METTL15: variants seen among roughly 807,000 people sequenced by gnomAD.
METTL15 encodes methyltransferase 15, mitochondrial 12S rRNA N4-cytidine.
A neutral mutation model predicts 38.3 loss-of-function variants in METTL15; 34 were observed. That is an observed-to-expected ratio of 0.89 (90% CI 0.68 to 1.18). The LOEUF (loss-of-function observed/expected upper bound fraction) is 1.18. Ranked by LOEUF, METTL15 falls within the 50% of genes most tolerant of loss-of-function variation. METTL15 has a pLI of 0.00. For synonymous variants in METTL15, 162 were observed against 170.9 expected, an observed-to-expected ratio of 0.95 and a Z score of 0.41; for missense variants, 438 against 498.4, an observed-to-expected ratio of 0.88 and a Z score of 1.15.
At chr11:28,270,626 T>C (rs1388360091) in intron 4 of METTL15, among the ~76,000 whole-genome samples, 1 of 152,228 alleles carries the variant, frequency 6.6e-6, no homozygotes, top group Non-Finnish European at 1.5e-5. Flanking sequence ...TTATCTGATG[T>C]ATAAAATAGG....
At chr11:28,151,315 A>G (rs1403447325) in intron 3 of METTL15, among the ~76,000 whole-genome samples, 1 of 151,848 alleles carries the variant, frequency 6.6e-6, no homozygotes, top group Non-Finnish European at 1.5e-5. Flanking sequence ...TACCGTGCTG[A>G]CTGCAAGAAC....
chr11:28,144,918 A>G (rs964179340), intron 3 of METTL15: 4 of 175,614 alleles, frequency 2.3e-5, no homozygotes, highest in Non-Finnish European at 3.8e-5. Context: ...CAATGGTGCA[A>G]TGCTTACTTA....
chr11:28,149,979 C>G (rs1850023726), intron 3 of METTL15, among the ~76,000 whole-genome samples: 1 of 151,882 alleles, frequency 6.6e-6, no homozygotes, highest in Non-Finnish European at 1.5e-5. Context: ...TAAATTTACA[C>G]TCTCAGCAAA....
intron 3 of METTL15, among the ~76,000 whole-genome samples, chr11:28,187,741 C>T (rs1026776430): frequency 1.3e-5 from 2 of 150,500 alleles, no homozygotes; most frequent in African/African-American, 2.4e-5. Flanking sequence ...ATTGGGCAGG[C>T]TGGATGGAGG....
chr11:28,447,167 C>T (rs572969917), intron 6 of METTL15, among the ~76,000 whole-genome samples: 13 of 152,208 alleles, frequency 8.5e-5, no homozygotes, highest in African/African-American at 2.7e-4. Flanking sequence ...ATGTTGTTCT[C>T]TTCCTTGATT....
At chr11:28,326,388 G>A (rs577034417) in intron 6 of METTL15, among the ~76,000 whole-genome samples, 1 of 152,096 alleles carries the variant, frequency 6.6e-6, no homozygotes, top group South Asian at 2.1e-4. Context: ...TCTCTGATCA[G>A]TGACTTTCAG....
At chr11:28,476,488 T>G (rs2133468642) in intron 6 of METTL15, among the ~76,000 whole-genome samples, 1 of 152,314 alleles carries the variant, frequency 6.6e-6, no homozygotes, top group South Asian at 2.1e-4. Context: ...GTATTCATCT[T>G]CCTTGCAAGC....
At position 28,414,643 on chromosome 11, in the gene METTL15, G is replaced by T. The variant is rs139553285; in HGVS notation, c.*359-9656G>T. On this transcript the variant is annotated intron_variant and NMD_transcript_variant, in intron 5 of 7. Transcript: ENST00000532947. Reference sequence around the variant, plus strand: ...TTCTACAATGTCAATTTTTTGTTTAGTCGTTTATTTTTTGTTTTTGAGAAC... The same window carrying T: ...TTCTACAATGTCAATTTTTTGTTTATTCGTTTATTTTTTGTTTTTGAGAAC... 2.9e-3 allele frequency among the ~76,000 whole-genome samples: 448 copies of T among 152,250 alleles called. 5 individuals are homozygous for T. Among genetic ancestry groups the T allele is most frequent in the African/African-American group, 0.01 (433 of 41,562 alleles).
chr11:28,192,085 T>C (rs1160931717), intron 3 of METTL15, among the ~76,000 whole-genome samples: 1 of 151,834 alleles, frequency 6.6e-6, no homozygotes, highest in East Asian at 1.9e-4. Context: ...TGTGTCTATC[T>C]GTGTGTCTTC....
At chr11:28,113,270 C>A in intron 2 of METTL15, 48 bp from the exon 3 acceptor site, 1 of 1,286,920 alleles carries the variant, frequency 7.8e-7, no homozygotes, top group South Asian at 1.5e-5. Context: ...AGTATTAGAA[C>A]ATTCTTTTAA....
At chr11:28,143,983 G>A (rs900721548) in intron 3 of METTL15, among the ~76,000 whole-genome samples, 17 of 152,098 alleles carry the variant, frequency 1.1e-4, no homozygotes, top group Admixed American at 1.0e-3. Context: ...GTTAGGTTCT[G>A]CTCCAGCAGG....
intron 5 of METTL15, among the ~76,000 whole-genome samples, chr11:28,406,659 G>A (rs908474989): frequency 3.3e-5 from 5 of 152,094 alleles, no homozygotes; most frequent in African/African-American, 1.2e-4. Context: ...ATCTCTTCCT[G>A]TTCGAATATG....
chr11:28,165,968 G>C (rs1211455205), intron 3 of METTL15, among the ~76,000 whole-genome samples: 13 of 151,892 alleles, frequency 8.6e-5, no homozygotes, highest in African/African-American at 4.8e-5. Context: ...GTTTATTTCT[G>C]GGCTTTCTAT....
intron 5 of METTL15, among the ~76,000 whole-genome samples, chr11:28,294,356 G>T (rs1856647984): frequency 6.6e-6 from 1 of 152,162 alleles, no homozygotes; most frequent in African/African-American, 2.4e-5. Context: ...GCCAAAAAAT[G>T]TGGCCTGTCA....
intron 5 of METTL15, among the ~76,000 whole-genome samples, chr11:28,407,109 C>A (rs1850680776): frequency 6.6e-6 from 1 of 152,018 alleles, no homozygotes; most frequent in African/African-American, 2.4e-5. Flanking sequence ...AGGATTTTTG[C>A]ATTGATGTTC....
chr11:28,260,427 T>C (rs1445666102), intron 4 of METTL15, among the ~76,000 whole-genome samples: 1 of 152,200 alleles, frequency 6.6e-6, no homozygotes, highest in African/African-American at 2.4e-5. Context: ...CCTGGAACTA[T>C]CCTATTTATT....
At chr11:28,397,530 C>T (rs1850584597) in intron 5 of METTL15, among the ~76,000 whole-genome samples, 1 of 151,978 alleles carries the variant, frequency 6.6e-6, no homozygotes, top group African/African-American at 2.4e-5. Flanking sequence ...AAATCAAAAC[C>T]ACAATGAGAT....
chr11:28,167,101 C>T (rs1238741450), intron 3 of METTL15, among the ~76,000 whole-genome samples: 16 of 152,256 alleles, frequency 1.1e-4, no homozygotes, highest in East Asian at 9.6e-4. Flanking sequence ...TTGATAGACA[C>T]AGTCATTAAA....
At chr11:28,392,334 C>T (rs1407430331) in intron 5 of METTL15, among the ~76,000 whole-genome samples, 3 of 152,024 alleles carry the variant, frequency 2.0e-5, no homozygotes, top group African/African-American at 7.2e-5. Flanking sequence ...GATTTCAAAA[C>T]AAGTTATAAG....
Sources: gnomAD v4.1 joint callset for allele counts (sites outside exome capture counted in the v4.1 genomes callset) on GRCh38, gnomAD v4.1.1 for gene constraint, MANE v1.5 for transcripts, NCBI Gene and HGNC (gene_info 2026-07-23, HGNC 2026-07-21) for gene names.